The following KHDRBS3 variants were observed in gnomAD, a reference collection of about 807,000 sequenced individuals.
The protein encoded by KHDRBS3 is KH domain-containing, RNA-binding, signal transduction-associated protein 3.
KHDRBS3 carries 23 observed loss-of-function variants against 45.6 expected under a neutral mutation model. The ratio of observed to expected loss-of-function variants is 0.50; its 90% CI spans 0.36 to 0.72. The LOEUF (loss-of-function observed/expected upper bound fraction) is 0.72. Among genes scored for constraint, KHDRBS3 ranks in the 30% least tolerant of loss-of-function variants. KHDRBS3 has a pLI of 0.00. For missense variants in KHDRBS3, 352 were observed against 424.8 expected (o/e 0.83, Z 1.51); for synonymous variants, 162 against 156.5 (o/e 1.04, Z -0.26).
intron 7 of KHDRBS3, among the ~76,000 whole-genome samples, chr8:135,610,994 G>C (rs558306405): frequency 6.6e-6 from 1 of 152,002 alleles, no homozygotes; most frequent in African/African-American, 2.4e-5. Flanking sequence ...AGGCTGGATT[G>C]GCAGATGGTG....
At chr8:135,479,005 A>G (rs1305298162) in intron 1 of KHDRBS3, among the ~76,000 whole-genome samples, 2 of 152,218 alleles carry the variant, frequency 1.3e-5, no homozygotes, top group Admixed American at 6.5e-5. Flanking sequence ...AAGTCAACAA[A>G]CCGAAAGGTG....
chr8:135,536,966 C>CAAAAAAAAAAA (rs869256475), intron 2 of KHDRBS3, among the ~76,000 whole-genome samples: 24 of 11,726 alleles, frequency 2.0e-3, no homozygotes, highest in Admixed American at 3.2e-3. Flanking sequence ...AACTCCATCT[C>CAAAAAAAAAAA]AAAAAAAAAA....
At chr8:135,588,444 T>C (rs1472677874) in intron 6 of KHDRBS3, among the ~76,000 whole-genome samples, 1 of 152,096 alleles carries the variant, frequency 6.6e-6, no homozygotes, top group Non-Finnish European at 1.5e-5. Context: ...GAGGCATCAC[T>C]ACATAGACGT....
chr8:135,643,314 C>T (rs188053430), intron 7 of KHDRBS3, among the ~76,000 whole-genome samples: 29 of 152,308 alleles, frequency 1.9e-4, no homozygotes, highest in African/African-American at 6.5e-4. Context: ...TCATGACACA[C>T]TACACTAGAG....
At chr8:135,652,990 A>T (rs1389969043) in intron 4 of KHDRBS3, among the ~76,000 whole-genome samples, 1 of 152,104 alleles carries the variant, frequency 6.6e-6, no homozygotes, top group African/African-American at 2.4e-5. Context: ...TCATCCTTTC[A>T]TTTGAGGAGA....
chr8:135,510,972 C>T (rs1012881253), intron 1 of KHDRBS3, among the ~76,000 whole-genome samples: 3 of 152,106 alleles, frequency 2.0e-5, no homozygotes, highest in Non-Finnish European at 4.4e-5. Context: ...TTAAATAAAC[C>T]TATATTTGCT....
intron 7 of KHDRBS3, among the ~76,000 whole-genome samples, chr8:135,610,509 A>G (rs1469174188): frequency 6.7e-6 from 1 of 148,796 alleles, no homozygotes; most frequent in Non-Finnish European, 1.5e-5. Flanking sequence ...GATGCTTGGA[A>G]TACAAAGATT....
intron 1 of KHDRBS3, among the ~76,000 whole-genome samples, chr8:135,516,932 A>G (rs1026591679): frequency 3.9e-5 from 6 of 152,162 alleles, no homozygotes; most frequent in African/African-American, 1.4e-4. Context: ...TAAAATTTTT[A>G]TATTGGAAAC....
At chr8:135,602,139 C>A (rs1829243468) in intron 6 of KHDRBS3, among the ~76,000 whole-genome samples, 1 of 152,210 alleles carries the variant, frequency 6.6e-6, no homozygotes, top group African/African-American at 2.4e-5. Flanking sequence ...GTGACCTCAT[C>A]CCCTACCTTG....
intron 7 of KHDRBS3, among the ~76,000 whole-genome samples, chr8:135,621,147 T>TG (rs200322746): frequency 0.013 from 1,464 of 111,518 alleles, 20 homozygotes; most frequent in Middle Eastern, 0.071. Flanking sequence ...GGGGGGAGGA[T>TG]GGGAGGGTGC....
intron 1 of KHDRBS3, among the ~76,000 whole-genome samples, chr8:135,515,096 G>T (rs183637764): frequency 0.011 from 1,668 of 152,190 alleles, 20 homozygotes; most frequent in Non-Finnish European, 0.014. Flanking sequence ...GCTGGGCGCG[G>T]TGGCTCACGC....
At chr8:135,590,652 G>T (rs531966809) in intron 6 of KHDRBS3, among the ~76,000 whole-genome samples, 2 of 152,290 alleles carry the variant, frequency 1.3e-5, no homozygotes, top group African/African-American at 4.8e-5. Context: ...ATGTTTTAAT[G>T]ATGGTAGAAA....
chr8:135,473,464 A>G (rs1045583809), intron 1 of KHDRBS3, among the ~76,000 whole-genome samples: 2 of 152,156 alleles, frequency 1.3e-5, no homozygotes, highest in African/African-American at 4.8e-5. Context: ...ATGAGGGTCT[A>G]GGTCATGCCT....
At chr8:135,476,513 C>T (rs1315477211) in intron 1 of KHDRBS3, among the ~76,000 whole-genome samples, 1 of 152,150 alleles carries the variant, frequency 6.6e-6, no homozygotes, top group Non-Finnish European at 1.5e-5. Context: ...CAAACACTGT[C>T]TTCTCATCTT....
chr8:135,501,026 T>A (rs1391504542), intron 1 of KHDRBS3, among the ~76,000 whole-genome samples: 1 of 152,156 alleles, frequency 6.6e-6, no homozygotes, highest in East Asian at 1.9e-4. Context: ...GGGAAAAAAA[T>A]GACCCTCCTG....
intron 1 of KHDRBS3, among the ~76,000 whole-genome samples, chr8:135,491,932 C>CT (rs11327928): frequency 8.8e-4 from 127 of 144,184 alleles, no homozygotes; most frequent in African/African-American, 1.9e-3. Context: ...GTGCCAACTT[C>CT]TTTTTTTTTT....
chr8:135,647,041 C>A lies in KHDRBS3; in HGVS notation c.998C>A (p.Thr333Lys), dbSNP rs1210631884. The A allele has an allele frequency of 8.7e-6, 14 of 1,610,738 alleles. No individual in the cohort carries two copies. Among genetic ancestry groups the A allele is most frequent in the Non-Finnish European group, 1.2e-5 (14 of 1,177,164 alleles). ...NSRHKAPSAR[T>K]AKGVYRDQPY... ...AGACACAAGGCACCTTCAGCGAGGA[C>A]AGCAAAGGGCGTCTACAGAGACCAG... Residue 333 changes from threonine (T) to lysine (K), a missense_variant, in exon 9 of 9, where the codon ACA becomes AAA. Physicochemically the swap from Thr to Lys is moderately conservative, Grantham distance 78 (BLOSUM62 -1). Transcript: ENST00000355849.
chr8:135,601,748 T>A (rs1030823049), intron 6 of KHDRBS3, among the ~76,000 whole-genome samples: 2 of 152,250 alleles, frequency 1.3e-5, no homozygotes, highest in African/African-American at 4.8e-5. Flanking sequence ...TAAGCTTAGA[T>A]GTTTGCTTGA....
chr8:135,579,701 G>C (rs150958099), intron 5 of KHDRBS3, among the ~76,000 whole-genome samples: 41 of 152,250 alleles, frequency 2.7e-4, no homozygotes, highest in African/African-American at 9.6e-4. Flanking sequence ...GCCATTGGCC[G>C]CATGCTTTTT....
Sources: gnomAD v4.1 joint callset for allele counts (sites outside exome capture counted in the v4.1 genomes callset) on GRCh38, gnomAD v4.1.1 for gene constraint, MANE v1.5 for transcripts, NCBI Gene and HGNC (gene_info 2026-07-23, HGNC 2026-07-21) for gene names.